SPTA1: variants seen among roughly 807,000 people sequenced by gnomAD.
SPTA1 encodes the protein spectrin alpha, erythrocytic 1.
Under a neutral mutation model 324.7 loss-of-function variants are expected in SPTA1, and 177 were observed. The ratio of observed to expected loss-of-function variants is 0.55; its 90% confidence interval spans 0.48 to 0.62. The LOEUF (loss-of-function observed/expected upper bound fraction) is 0.62. Among genes scored for constraint, SPTA1 ranks in the 20% least tolerant of loss-of-function variants. SPTA1 has a pLI of 0.00. For missense variants in SPTA1, 3,162 were observed against 2,883.6 expected (o/e 1.10, Z -2.21); for synonymous variants, 1,195 against 1,041.3 (o/e 1.15, Z -2.84).
chr1:158,647,574 C>T lies in SPTA1; in HGVS notation c.3861G>A (p.Glu1287=). 6.2e-7 allele frequency: 1 copy of T among 1,613,772 alleles called. No individual in the cohort carries two copies. The change falls in exon 27 of 52, where the codon GAG becomes GAA. Residue 1287 remains glutamate (E), a synonymous_variant. Transcript: ENST00000643759. ...RTKDRKESLN[E]AQKFYLFLSK... Reference sequence around the variant, plus strand: ...TGAGGAACAGGTAGAATTTCTGGGCCTCATTTAGGCTCTCCTTACGATCCT... The same window carrying T: ...TGAGGAACAGGTAGAATTTCTGGGCTTCATTTAGGCTCTCCTTACGATCCT...
intron 6 of SPTA1, 36 bp from the exon 7 acceptor site, chr1:158,677,870 T>A: frequency 6.2e-7 from 1 of 1,612,118 alleles, no homozygotes; most frequent in Non-Finnish European, 8.5e-7. Flanking sequence ...CCAAAGAAGA[T>A]AGCAAGCATT....
intron 30 of SPTA1, 109 bp from the exon 31 acceptor site, chr1:158,643,534 A>G: frequency 9.3e-7 from 1 of 1,079,436 alleles, no homozygotes; most frequent in South Asian, 1.3e-5. Flanking sequence ...GATTCAGAAG[A>G]TATACTCAGG....
chr1:158,633,677 A>AAGAAAAG (rs1650850206), intron 39 of SPTA1, among the ~76,000 whole-genome samples: 1 of 151,172 alleles, frequency 6.6e-6, no homozygotes, highest in African/African-American at 2.4e-5. Flanking sequence ...AAAAAAAAAA[A>AAGAAAAG]AGAAAAGAAA....
rs758908350 is a variant in SPTA1, at chr1:158,626,863, C to A, written c.5809G>T (p.Ala1937Ser). ...DYAFQEFNWK[A>S]DVVEAWIADK... ...CCTATCCAAGCCTCTACCACATCAGCCTTCCAGTTGAATTCCTGAAAGGCA... is the reference window on the plus strand; with the variant it reads ...CCTATCCAAGCCTCTACCACATCAGACTTCCAGTTGAATTCCTGAAAGGCA... The change falls in exon 41 of 52, where the codon GCT (alanine) becomes TCT (serine). Residue 1937 changes from alanine (A) to serine (S), a missense_variant. By Grantham distance (99) the Ala-to-Ser change is moderately conservative. Transcript: ENST00000643759. The A allele has an allele frequency of 1.2e-6, 2 of 1,613,676 alleles. No homozygotes were observed. Among genetic ancestry groups the A allele is most frequent in the African/African-American group, 2.7e-5 (2 of 74,892 alleles).
At chr1:158,626,818 C>T in intron 41 of SPTA1, 21 bp downstream of exon 41, 1 of 1,613,254 alleles carries the variant, frequency 6.2e-7, no homozygotes, top group East Asian at 2.2e-5. Flanking sequence ...CCCAAGGGAC[C>T]CTGAACCTGA....
At position 158,643,439 on chromosome 1, in the gene SPTA1, A is replaced by G; in HGVS notation, c.4339-14T>C. The G allele has an allele frequency of 6.2e-7, 1 of 1,612,194 alleles. No homozygotes were observed. The highest frequency in any genetic ancestry group is 8.5e-7 in the Non-Finnish European group (1 of 1,179,166). On this transcript the variant is annotated splice_polypyrimidine_tract_variant and intron_variant, in intron 30 of 51. Transcript: ENST00000643759. ...GATCTTCCCTTCCTAAATAAAGGAAAAGGAAAGAGCCCAGATGCTTGGAGA... is the reference window on the plus strand; with the variant it reads ...GATCTTCCCTTCCTAAATAAAGGAAGAGGAAAGAGCCCAGATGCTTGGAGA...
intron 50 of SPTA1, 67 bp from the exon 51 acceptor site, chr1:158,613,028 T>G: frequency 6.5e-7 from 1 of 1,548,802 alleles, no homozygotes; most frequent in Non-Finnish European, 8.9e-7. Flanking sequence ...TTTTTAATCC[T>G]ACTCAGTGTC....
intron 7 of SPTA1, 80 bp downstream of exon 7, chr1:158,677,610 G>C: frequency 6.4e-7 from 1 of 1,555,736 alleles, no homozygotes; most frequent in Non-Finnish European, 8.8e-7. Flanking sequence ...GTGCTCTCTG[G>C]AGGCACGGTA....
At chr1:158,665,912 A>T (rs978958190) in intron 16 of SPTA1, among the ~76,000 whole-genome samples, 6 of 152,180 alleles carry the variant, frequency 3.9e-5, no homozygotes, top group Non-Finnish European at 8.8e-5. Context: ...CTAGTAAGCC[A>T]CAAGGATGTA....
In SPTA1 at chr1:158,644,245, A is replaced by G. The variant is rs1651828094; in HGVS notation, c.4338+8T>C. 4 of 1,613,538 alleles carry G rather than the reference A, an allele frequency of 2.5e-6. No individual in the cohort carries two copies. The highest frequency in any genetic ancestry group is 3.4e-6 in the Non-Finnish European group (4 of 1,179,810). Reference sequence around the variant, plus strand: ...TATTATTTTAATTCCTTTACTAGTCATTATTACCTGGGCAGTGATTGCTTT... The same window carrying G: ...TATTATTTTAATTCCTTTACTAGTCGTTATTACCTGGGCAGTGATTGCTTT... On this transcript the variant is annotated splice_region_variant and intron_variant, in intron 30 of 51. Coordinates refer to ENST00000643759, the MANE Select transcript of SPTA1 (RefSeq NM_003126.4).
At position 158,620,370 on chromosome 1, in the gene SPTA1, C is replaced by G; in HGVS notation, c.6217G>C (p.Val2073Leu). 1 of 1,614,076 alleles carries G rather than the reference C, an allele frequency of 6.2e-7. No homozygotes were observed. The change falls in exon 44 of 52, where the codon GTC becomes CTC. Residue 2073 changes from valine (V) to leucine (L), a missense_variant. Coordinates refer to ENST00000643759, the MANE Select transcript of SPTA1 (RefSeq NM_003126.4). ...AGCTGCCGAATTTCATTCAGGGAGACACAGTGCACAGGCTCTGACAAGTTT... is the reference window on the plus strand; with the variant it reads ...AGCTGCCGAATTTCATTCAGGGAGAGACAGTGCACAGGCTCTGACAAGTTT... ...EENLSEPVHC[V>L]SLNEIRQLQK...
intron 3 of SPTA1, 128 bp from the exon 4 acceptor site, chr1:158,681,795 A>G (rs1654840099): frequency 8.3e-7 from 1 of 1,204,528 alleles, no homozygotes; most frequent in South Asian, 1.3e-5. Context: ...GTTGCTCAAC[A>G]AACATTTAAA....
chr1:158,672,349 C>G (rs951960945), intron 10 of SPTA1, among the ~76,000 whole-genome samples, 153 bp from the exon 11 acceptor site: 1 of 151,932 alleles, frequency 6.6e-6, no homozygotes, highest in Non-Finnish European at 1.5e-5. Context: ...AATGATTGTA[C>G]TATAGGAAGA....
chr1:158,682,124 A>T (rs1255912126), intron 3 of SPTA1, among the ~76,000 whole-genome samples: 3 of 152,202 alleles, frequency 2.0e-5, no homozygotes, highest in African/African-American at 7.2e-5. Flanking sequence ...AGTTATAAGG[A>T]AATCATTGGC....
At chr1:158,615,448 C>T (rs1365565903) in intron 47 of SPTA1, 45 bp from the exon 48 acceptor site, 1 of 1,597,984 alleles carries the variant, frequency 6.3e-7, no homozygotes, top group East Asian at 2.2e-5. Context: ...GCCCAGGTTA[C>T]CAGCTCAAAA....
intron 10 of SPTA1, among the ~76,000 whole-genome samples, chr1:158,673,534 T>C (rs1654177276): frequency 6.6e-6 from 1 of 152,218 alleles, no homozygotes; most frequent in African/African-American, 2.4e-5. Context: ...AATGCAAATT[T>C]GAAAATCACA....
At chr1:158,657,159 A>T (rs771274839) in intron 19 of SPTA1, among the ~76,000 whole-genome samples, 4 of 152,220 alleles carry the variant, frequency 2.6e-5, no homozygotes, top group Non-Finnish European at 5.9e-5. Context: ...TAAAACCATG[A>T]TTAATTTATA....
chr1:158,634,737 G>A, intron 38 of SPTA1, 62 bp from the exon 39 acceptor site: 1 of 1,600,400 alleles, frequency 6.2e-7, no homozygotes, highest in Non-Finnish European at 8.5e-7. Flanking sequence ...TGGGAGTACA[G>A]TGGGGTGGCA....
intron 47 of SPTA1, 150 bp from the exon 48 acceptor site, chr1:158,615,553 C>T: frequency 1.4e-6 from 1 of 706,348 alleles, no homozygotes; most frequent in Non-Finnish European, 2.4e-6. Context: ...AACCACTTCA[C>T]TTCTATAGTC....
Sources: gnomAD v4.1 joint callset for allele counts (sites outside exome capture counted in the v4.1 genomes callset) on GRCh38, gnomAD v4.1.1 for gene constraint, MANE v1.5 for transcripts, NCBI Gene and HGNC (gene_info 2026-07-23, HGNC 2026-07-21) for gene names.